Variants in GPHN observed in about 807,000 individuals in gnomAD.
The protein encoded by GPHN is gephyrin.
Under a neutral mutation model 95.5 loss-of-function variants are expected in GPHN, and 17 were observed. The observed-to-expected ratio is 0.18, with a 90% CI of 0.12 to 0.27. The LOEUF (loss-of-function observed/expected upper bound fraction) is 0.27, where lower values mean the gene tolerates loss of function less well. Among genes scored for constraint, GPHN ranks in the 10% least tolerant of loss-of-function variants. The probability of loss-of-function intolerance (pLI) is 1.00; values close to 1 mark genes in which losing one functional copy is unlikely to be tolerated. For missense variants in GPHN, 660 were observed against 978.1 expected (o/e 0.67, Z 4.34); for synonymous variants, 320 against 322.5 (o/e 0.99, Z 0.08).
chr14:67,007,861 A>C (rs2072707457), intron 9 of GPHN, among the ~76,000 whole-genome samples: 1 of 152,178 alleles, frequency 6.6e-6, no homozygotes, highest in South Asian at 2.1e-4. Flanking sequence ...GAGTGATGGA[A>C]GAGAGAGAAG....
chr14:66,568,364 T>G (rs1346177646), intron 1 of GPHN, among the ~76,000 whole-genome samples: 1 of 152,204 alleles, frequency 6.6e-6, no homozygotes, highest in Non-Finnish European at 1.5e-5. Flanking sequence ...CCTTGTTTCC[T>G]GTTATGGCAT....
intron 5 of GPHN, among the ~76,000 whole-genome samples, chr14:66,891,837 C>G (rs2153541088): frequency 6.6e-6 from 1 of 151,794 alleles, no homozygotes; most frequent in Middle Eastern, 3.4e-3. Flanking sequence ...AGATATTTCT[C>G]CAAAGAAGAT....
At chr14:67,466,001 C>CA in the GPHN span, among the ~76,000 whole-genome samples, 5 of 152,194 alleles carry the variant, frequency 3.3e-5, no homozygotes, top group African/African-American at 7.2e-5. Flanking sequence ...AGAGGAGATG[C>CA]AGCCTGCTGA....
In GPHN at chr14:66,965,197, G is replaced by C; in HGVS notation, c.835G>C (p.Asp279His). 1 of 1,611,726 alleles carries C rather than the reference G, an allele frequency of 6.2e-7. No individual in the cohort carries two copies. The highest frequency in any genetic ancestry group is 8.5e-7 in the Non-Finnish European group (1 of 1,177,930). Residue 279 changes from aspartate (D) to histidine (H), a missense_variant, in exon 9 of 23, where the codon GAC becomes CAC. By Grantham distance (81) the Asp-to-His change is moderately conservative. Transcript: ENST00000478722. Reference sequence around the variant, plus strand: ...AGTTGTTCCCCTTGTTCAGATTCCAGACTCCATCATTTCTCGTGGTGTTCA... The same window carrying C: ...AGTTGTTCCCCTTGTTCAGATTCCACACTCCATCATTTCTCGTGGTGTTCA... Reference protein sequence around the residue: ...SHHSTDERIPDSIISRGVQVL... With the variant: ...SHHSTDERIPHSIISRGVQVL...
At chr14:67,681,005 C>T in the GPHN span, among the ~76,000 whole-genome samples, 1 of 152,202 alleles carries the variant, frequency 6.6e-6, no homozygotes, top group South Asian at 2.1e-4. Flanking sequence ...TACTGTTATA[C>T]TCCAATTGTG....
At chr14:67,436,356 G>A in the GPHN span, among the ~76,000 whole-genome samples, 4 of 152,268 alleles carry the variant, frequency 2.6e-5, no homozygotes, top group South Asian at 4.1e-4. Flanking sequence ...GCTTTTATTC[G>A]TTGCTTTCTG....
chr14:66,898,377 AG>A, intron 5 of GPHN, among the ~76,000 whole-genome samples: 1 of 144,010 alleles, frequency 6.9e-6, no homozygotes, highest in South Asian at 2.2e-4. Context: ...TTTTTTTCTA[AG>A]GTGTGAGTTT....
the GPHN span, chr14:67,576,480 T>C: frequency 1.3e-6 from 2 of 1,588,794 alleles, no homozygotes; most frequent in Non-Finnish European, 1.7e-6. The surrounding 1 kb of genome is among the most constrained non-coding windows in gnomAD (Gnocchi z 4.0). Flanking sequence ...ATTGGAAAAC[T>C]GATGGATGGT....
chr14:67,692,528 T>C, the GPHN span: 1 of 1,612,830 alleles, frequency 6.2e-7, no homozygotes. Context: ...CCTGTCGTGG[T>C]CTGGATCTCT....
chr14:67,260,984 T>C, the GPHN span, among the ~76,000 whole-genome samples: 1 of 151,772 alleles, frequency 6.6e-6, no homozygotes, highest in Non-Finnish European at 1.5e-5. Context: ...TGCCCTGGAG[T>C]CAAGCAGACT....
intron 10 of GPHN, among the ~76,000 whole-genome samples, chr14:67,040,202 A>G (rs936028717): frequency 2.0e-5 from 3 of 152,166 alleles, no homozygotes; most frequent in Non-Finnish European, 4.4e-5. Flanking sequence ...CAGAAATGTT[A>G]CAAGAATAGT....
At chr14:67,395,779 C>T in the GPHN span, among the ~76,000 whole-genome samples, 4 of 152,214 alleles carry the variant, frequency 2.6e-5, no homozygotes, top group Non-Finnish European at 5.9e-5. Flanking sequence ...CCTCACACTG[C>T]AGCCTTTCCC....
At chr14:66,726,151 G>A (rs1639263987) in intron 2 of GPHN, among the ~76,000 whole-genome samples, 1 of 152,052 alleles carries the variant, frequency 6.6e-6, no homozygotes, top group African/African-American at 2.4e-5. Flanking sequence ...TTTTTTGCAA[G>A]GCAAATCATA....
chr14:66,715,413 C>T (rs138268233), intron 2 of GPHN, among the ~76,000 whole-genome samples: 2,913 of 152,122 alleles, frequency 0.019, 36 homozygotes, highest in Middle Eastern at 0.034. Context: ...TTTTATTTAT[C>T]TTTTCAAAGA....
At chr14:67,234,049 C>T in the GPHN span, among the ~76,000 whole-genome samples, 1 of 152,214 alleles carries the variant, frequency 6.6e-6, no homozygotes, top group Non-Finnish European at 1.5e-5. Flanking sequence ...TTAATACATA[C>T]TATGTCCAGC....
intron 3 of GPHN, among the ~76,000 whole-genome samples, chr14:66,824,013 G>A (rs1215266767): frequency 6.6e-6 from 1 of 152,082 alleles, no homozygotes; most frequent in African/African-American, 2.4e-5. Flanking sequence ...TTATAAACTA[G>A]GTGTGTAATT....
At chr14:66,588,302 G>A (rs1433256393) in intron 1 of GPHN, among the ~76,000 whole-genome samples, 1 of 151,946 alleles carries the variant, frequency 6.6e-6, no homozygotes, top group East Asian at 1.9e-4. Context: ...ACAAAAGACT[G>A]AAAATTCCAA....
intron 12 of GPHN, among the ~76,000 whole-genome samples, chr14:67,095,846 G>A (rs2077349997): frequency 1.3e-5 from 2 of 150,812 alleles, no homozygotes; most frequent in Non-Finnish European, 1.5e-5. Flanking sequence ...AAGTTAATGG[G>A]TGCAGCACAC....
At chr14:66,702,895 G>T (rs551181252) in intron 2 of GPHN, among the ~76,000 whole-genome samples, 1 of 152,252 alleles carries the variant, frequency 6.6e-6, no homozygotes, top group South Asian at 2.1e-4. Flanking sequence ...TAAGAACGTT[G>T]ATAAAAGGTT....
Sources: allele counts gnomAD v4.1 joint callset (sites outside exome capture counted in the v4.1 genomes callset), GRCh38; gene constraint gnomAD v4.1.1; non-coding constraint Gnocchi (gnomAD v3.1); transcripts MANE v1.5; gene names NCBI Gene and HGNC (gene_info 2026-07-23, HGNC 2026-07-21).